TNRC6A: variants seen among roughly 807,000 people sequenced by gnomAD.
TNRC6A encodes the protein trinucleotide repeat-containing gene 6A protein.
A neutral mutation model predicts 221.2 loss-of-function variants in TNRC6A; 44 were observed. The ratio of observed to expected loss-of-function variants is 0.20; its 90% CI spans 0.16 to 0.26. The LOEUF is 0.26. TNRC6A is among the 10% of genes least tolerant of loss of function. The probability of loss-of-function intolerance (pLI) is 1.00; values close to 1 mark genes in which losing one functional copy is unlikely to be tolerated. For missense variants in TNRC6A, 2,199 were observed against 2,404.4 expected (o/e 0.91, Z 1.79); for synonymous variants, 847 against 838.5 (o/e 1.01, Z -0.18).
intron 1 of TNRC6A, among the ~76,000 whole-genome samples, chr16:24,616,828 G>A (rs1900379161): frequency 6.6e-6 from 1 of 152,080 alleles, no homozygotes; most frequent in Non-Finnish European, 1.5e-5. Flanking sequence ...GCCTGAGGCA[G>A]GAGAACCGCT....
chr16:24,793,341 C>G (rs2058150445), intron 6 of TNRC6A, 132 bp from the exon 7 acceptor site: 1 of 501,816 alleles, frequency 2.0e-6, no homozygotes, highest in Admixed American at 4.2e-5. Context: ...TTTTGCCTAT[C>G]ACAGTATCAT....
At chr16:24,720,716 G>GAAAA (rs984845041) in intron 2 of TNRC6A, among the ~76,000 whole-genome samples, 1 of 122,064 alleles carries the variant, frequency 8.2e-6, no homozygotes, top group African/African-American at 3.0e-5. Context: ...AAGAAAGAAA[G>GAAAA]AAAAAAAAAA....
chr16:24,719,036 C>CA (rs199982416), intron 2 of TNRC6A, among the ~76,000 whole-genome samples: 12,058 of 140,656 alleles, frequency 0.086, 1,248 homozygotes, highest in East Asian at 0.33. Flanking sequence ...GACTCTGTCT[C>CA]CAAAAAAAAA....
Position 24,629,936 on chromosome 16 carries a change from G to A in TNRC6A, n.277-10948G>A, listed in dbSNP as rs111319915. Reference sequence around the variant, plus strand: ...TGCAGTGAGCTATGATCACACCACTGCACTCCAGCCTGGGTGACAGAGTGA... The same window carrying A: ...TGCAGTGAGCTATGATCACACCACTACACTCCAGCCTGGGTGACAGAGTGA... On this transcript the variant is annotated intron_variant and non_coding_transcript_variant, in intron 1 of 2. Transcript: ENST00000566108. Among the ~76,000 whole-genome samples, 400 of 151,738 alleles carry A rather than the reference G, an allele frequency of 2.6e-3. 3 individuals carry two copies. Among genetic ancestry groups the A allele is most frequent in the African/African-American group, 9.1e-3 (377 of 41,330 alleles).
At chr16:24,714,946 G>A (rs879875224) in intron 2 of TNRC6A, among the ~76,000 whole-genome samples, 9 of 149,456 alleles carry the variant, frequency 6.0e-5, no homozygotes, top group Admixed American at 2.7e-4. Context: ...GCGTGATCTC[G>A]GCTCACTGCA....
intron 11 of TNRC6A, among the ~76,000 whole-genome samples, chr16:24,798,985 T>G (rs964044700): frequency 3.9e-5 from 6 of 152,218 alleles, no homozygotes; most frequent in African/African-American, 1.4e-4. Flanking sequence ...AAATCCACCC[T>G]CTAAGATACC....
intron 8 of TNRC6A, among the ~76,000 whole-genome samples, chr16:24,795,116 ATCC>A (rs1421811863): frequency 6.6e-6 from 1 of 152,100 alleles, no homozygotes; most frequent in African/African-American, 2.4e-5. Flanking sequence ...CAGAGTCACC[ATCC>A]TCCTTATTCA....
At chr16:24,758,681 C>G (rs1201030761) in intron 4 of TNRC6A, among the ~76,000 whole-genome samples, 2 of 152,096 alleles carry the variant, frequency 1.3e-5, no homozygotes, top group East Asian at 3.9e-4. Flanking sequence ...TTCTAAAAGT[C>G]TTCTTGTGTG....
chr16:24,778,773 G>T (rs928123794), intron 5 of TNRC6A, among the ~76,000 whole-genome samples: 1 of 152,100 alleles, frequency 6.6e-6, no homozygotes, highest in African/African-American at 2.4e-5. Flanking sequence ...GAAGAGTTTG[G>T]TTAATACTAG....
Position 24,790,475 on chromosome 16 carries a change from T to C in TNRC6A, c.1833T>C (p.Asn611=). 1 of 1,614,222 alleles carries C rather than the reference T, an allele frequency of 6.2e-7. No individual in the cohort carries two copies. The highest frequency in any genetic ancestry group is 8.5e-7 in the Non-Finnish European group (1 of 1,180,040). The part of the protein sequence containing the change: ...WGTPAQNTGT[N]LPSVEWNKLP... ...CCCCTGCACAAAACACTGGCACTAA[T>C]TTACCCAGCGTTGAGTGGAACAAAC... is the stretch of plus-strand genomic sequence containing the variant. The change falls in exon 6 of 25, where the codon AAT becomes AAC. Residue 611 remains asparagine, a synonymous_variant. Coordinates refer to ENST00000395799, the MANE Select transcript of TNRC6A (RefSeq NM_014494.4).
rs547299100 is a variant in TNRC6A at position 24,666,220 on chromosome 16, G to C, written n.402+25211G>C. ...GCAGTGGCTCATGCCTGTAATCCCA[G>C]TACTTTGGGAGGCCAAGGCGGGTGG... On this transcript the variant is annotated intron_variant and non_coding_transcript_variant, in intron 2 of 2. Coordinates refer to the TNRC6A transcript ENST00000566108. 9.2e-5 allele frequency among the ~76,000 whole-genome samples: 14 copies of C among 152,190 alleles called. No individual in the cohort carries two copies. In the East Asian group the frequency reaches 2.3e-3, roughly 25 times the overall value.
At chr16:24,671,412 G>A (rs114453990) in intron 2 of TNRC6A, among the ~76,000 whole-genome samples, 205 of 152,300 alleles carry the variant, frequency 1.3e-3, no homozygotes, top group African/African-American at 4.8e-3. Context: ...TTGGACTCTG[G>A]GGTGCTGAAG....
At chr16:24,658,956 G>C (rs2054973123) in intron 2 of TNRC6A, among the ~76,000 whole-genome samples, 1 of 151,586 alleles carries the variant, frequency 6.6e-6, no homozygotes, top group Non-Finnish European at 1.5e-5. Flanking sequence ...CTATAGGCGT[G>C]CGCTACCACA....
chr16:24,623,630 G>A (rs947609287), intron 1 of TNRC6A, among the ~76,000 whole-genome samples: 9 of 151,814 alleles, frequency 5.9e-5, no homozygotes, highest in Non-Finnish European at 1.2e-4. Context: ...ACATGGTGGC[G>A]CACACCTGTA....
intron 5 of TNRC6A, among the ~76,000 whole-genome samples, chr16:24,787,654 T>TA (rs2058003474): frequency 6.6e-6 from 1 of 152,192 alleles, no homozygotes; most frequent in African/African-American, 2.4e-5. Flanking sequence ...AAATGATTCT[T>TA]AAACAGGGAG....
At chr16:24,661,242 C>A (rs1246926934) in intron 2 of TNRC6A, among the ~76,000 whole-genome samples, 1 of 152,016 alleles carries the variant, frequency 6.6e-6, no homozygotes, top group Admixed American at 6.6e-5. Context: ...CCCACCCTTC[C>A]CCTTCTGAGT....
intron 2 of TNRC6A, among the ~76,000 whole-genome samples, chr16:24,674,774 C>G (rs1264284811): frequency 6.6e-6 from 1 of 150,844 alleles, no homozygotes; most frequent in Admixed American, 6.6e-5. Context: ...GTGACGTAAA[C>G]TTTTCTTAAA....
At chr16:24,778,875 A>G (rs899599367) in intron 5 of TNRC6A, among the ~76,000 whole-genome samples, 2 of 152,144 alleles carry the variant, frequency 1.3e-5, no homozygotes, top group African/African-American at 4.8e-5. Context: ...CATAATGAAA[A>G]ATGTGGTTAA....
chr16:24,634,669 T>C (rs1006493776), intron 1 of TNRC6A, among the ~76,000 whole-genome samples: 1 of 152,234 alleles, frequency 6.6e-6, no homozygotes, highest in African/African-American at 2.4e-5. Context: ...GAAAACAGAA[T>C]TGTTATCCCA....
Sources: allele counts gnomAD v4.1 joint callset (sites outside exome capture counted in the v4.1 genomes callset), GRCh38; gene constraint gnomAD v4.1.1; transcripts MANE v1.5; gene names NCBI Gene and HGNC (gene_info 2026-07-23, HGNC 2026-07-21).